ZNF536: variants seen among roughly 807,000 people sequenced by gnomAD.
ZNF536 encodes zinc finger protein 536.
ZNF536 carries 13 observed loss-of-function variants against 84.5 expected under a neutral mutation model. The ratio of observed to expected loss-of-function variants is 0.15; its 90% CI spans 0.10 to 0.24. The LOEUF (loss-of-function observed/expected upper bound fraction) is 0.24, where lower values mean the gene tolerates loss of function less well. ZNF536 is among the 10% of genes least tolerant of loss of function. The pLI is 1.00. For missense variants in ZNF536, 1,536 were observed against 1,747.5 expected, an observed-to-expected ratio of 0.88 and a Z score of 2.16; for synonymous variants, 811 against 742.5, an observed-to-expected ratio of 1.09 and a Z score of -1.50.
chr19:30,360,951 A>C (rs1241831889), intron 3 of ZNF536, among the ~76,000 whole-genome samples: 1 of 152,192 alleles, frequency 6.6e-6, no homozygotes, highest in Non-Finnish European at 1.5e-5. Flanking sequence ...GCATGACCAC[A>C]TCTGGGTAGC....
At chr19:30,558,507 C>A (rs1353708528), downstream of ZNF536, among the ~76,000 whole-genome samples, 1 of 152,188 alleles carries the variant, frequency 6.6e-6, no homozygotes, top group Non-Finnish European at 1.5e-5. Context: ...ATGTTCTTTT[C>A]ATCCTGCGAA....
chr19:30,586,802 T>C (rs527818563), intron 1 of ZNF536, among the ~76,000 whole-genome samples: 1 of 152,192 alleles, frequency 6.6e-6, no homozygotes, highest in Non-Finnish European at 1.5e-5. Flanking sequence ...GTCAACATTA[T>C]GTAATAATCT....
chr19:30,675,505 A>G (rs750547759), intron 1 of ZNF536, among the ~76,000 whole-genome samples: 2 of 152,206 alleles, frequency 1.3e-5, no homozygotes, highest in Non-Finnish European at 2.9e-5. Flanking sequence ...TTTAGAAATC[A>G]GGTCATTCAG....
chr19:30,553,660 G>A (rs148104754), intron 4 of ZNF536, among the ~76,000 whole-genome samples: 3 of 152,208 alleles, frequency 2.0e-5, no homozygotes, highest in Non-Finnish European at 2.9e-5. Context: ...TGGCTGAACT[G>A]GTAGCATCTG....
chr19:30,572,359 G>A (rs989079120), intron 1 of ZNF536, among the ~76,000 whole-genome samples: 4 of 152,150 alleles, frequency 2.6e-5, no homozygotes, highest in Non-Finnish European at 5.9e-5. Flanking sequence ...TGAAGTGGGG[G>A]CACCCAAGGG....
chr19:30,474,564 G>A (rs2144702670), intron 2 of ZNF536, among the ~76,000 whole-genome samples: 1 of 152,236 alleles, frequency 6.6e-6, no homozygotes, highest in Admixed American at 6.5e-5. Context: ...ACTCTGTCGG[G>A]GTGAAAGCAC....
At position 30,577,967 on chromosome 19, in the gene ZNF536, C is replaced by G. The variant is rs1302236099; in HGVS notation, c.169+28453C>G. ...CAGGCAATGGGAGGAAAATGAATCA[C>G]TCTTTTAAAACAGATATGGTTACAT... On this transcript the variant is annotated intron_variant, in intron 1 of 1. Transcript: ENST00000592773. Among the ~76,000 whole-genome samples, 5 of 152,186 alleles carry G rather than the reference C, an allele frequency of 3.3e-5. No homozygotes were observed. In the East Asian group the frequency reaches 5.8e-4, roughly 18 times the overall value.
In ZNF536 at chr19:30,481,530, T is replaced by C. The variant is rs191884245; in HGVS notation, c.2170+35798T>C. On this transcript the variant is annotated intron_variant, in intron 2 of 4. Transcript: ENST00000355537. The stretch of plus-strand genomic sequence containing the variant: ...AACCCTGGTATGTTAAAATTTAGGA[T>C]ACACATTGGTTCGTGATGAATTACA... Among the ~76,000 whole-genome samples, 48 of 152,336 alleles carry C rather than the reference T, an allele frequency of 3.2e-4. 1 individual carries two copies. The East Asian group carries it at 6.0e-3, about 19-fold the overall frequency.
chr19:30,327,367 G>A (rs1374266788), intron 2 of ZNF536, among the ~76,000 whole-genome samples: 4 of 152,092 alleles, frequency 2.6e-5, no homozygotes, highest in African/African-American at 7.2e-5. Context: ...ATCCCATCCC[G>A]GACTTCCTCT....
chr19:30,439,955 CTTTCTTTTTTTTTTTT>C (rs771484187), intron 1 of ZNF536, among the ~76,000 whole-genome samples: 1,715 of 133,056 alleles, frequency 0.013, 16 homozygotes, highest in Non-Finnish European at 0.017. Context: ...CTTTTTCTTT[CTTTCTTTTTTTTTTTT>C]TTTTTTTTTG....
At chr19:30,248,797 C>T (rs1027921089) in intron 1 of ZNF536, among the ~76,000 whole-genome samples, 4 of 152,142 alleles carry the variant, frequency 2.6e-5, no homozygotes, top group Non-Finnish European at 5.9e-5. Context: ...CTGATGCCTA[C>T]TAGATTTCAT....
At chr19:30,275,121 G>A (rs902481649) in intron 1 of ZNF536, among the ~76,000 whole-genome samples, 4 of 152,190 alleles carry the variant, frequency 2.6e-5, no homozygotes, top group African/African-American at 9.7e-5. Flanking sequence ...ATTGGGTGGA[G>A]CGAGGTTCAG....
At chr19:30,283,277 G>A (rs1367410258) in intron 1 of ZNF536, among the ~76,000 whole-genome samples, 1 of 152,180 alleles carries the variant, frequency 6.6e-6, no homozygotes, top group Admixed American at 6.5e-5. Flanking sequence ...AAATTGCACT[G>A]GGTGAGGAGT....
chr19:30,446,910 A>G (rs941762013), intron 2 of ZNF536, among the ~76,000 whole-genome samples: 2 of 152,218 alleles, frequency 1.3e-5, no homozygotes, highest in Non-Finnish European at 2.9e-5. Context: ...GCCTTCATCC[A>G]TATTTCCAAA....
chr19:30,637,559 A>G (rs911235345), intron 1 of ZNF536, among the ~76,000 whole-genome samples: 2 of 152,236 alleles, frequency 1.3e-5, no homozygotes, highest in Non-Finnish European at 2.9e-5. Flanking sequence ...CTCAATTTGG[A>G]TAAAGCAAGC....
chr19:30,657,855 A>T (rs773102840), intron 1 of ZNF536, among the ~76,000 whole-genome samples: 2 of 152,108 alleles, frequency 1.3e-5, no homozygotes, highest in Admixed American at 6.5e-5. Context: ...CTTCCCTTCC[A>T]TCTGCACCCT....
chr19:30,533,705 C>T (rs894083018), intron 2 of ZNF536, among the ~76,000 whole-genome samples: 3 of 152,202 alleles, frequency 2.0e-5, no homozygotes, highest in Non-Finnish European at 2.9e-5. Context: ...CCGCAGATCT[C>T]ATTATCCCAG....
chr19:30,475,025 C>CT (rs1202458910), intron 2 of ZNF536, among the ~76,000 whole-genome samples: 1 of 151,570 alleles, frequency 6.6e-6, no homozygotes, highest in African/African-American at 2.4e-5. Context: ...CTGCAGTTTG[C>CT]TTTTTTCTTT....
At chr19:30,286,311 G>A (rs993364865) in intron 2 of ZNF536, among the ~76,000 whole-genome samples, 18 of 152,302 alleles carry the variant, frequency 1.2e-4, no homozygotes, top group African/African-American at 3.9e-4. Flanking sequence ...GCGCCTTTGT[G>A]TGATGTGGCT....
Sources: allele counts gnomAD v4.1 joint callset (sites outside exome capture counted in the v4.1 genomes callset), GRCh38; gene constraint gnomAD v4.1.1; transcripts MANE v1.5; gene names NCBI Gene and HGNC (gene_info 2026-07-23, HGNC 2026-07-21).